CUL9: variants seen among roughly 807,000 people sequenced by gnomAD.
CUL9 encodes the protein cullin 9, also known as cullin-9.
Under a neutral mutation model 272.6 loss-of-function variants are expected in CUL9, and 79 were observed. The observed-to-expected ratio is 0.29, with a 90% CI of 0.24 to 0.35. The LOEUF (loss-of-function observed/expected upper bound fraction) is 0.35. Among genes scored for constraint, CUL9 ranks in the 10% least tolerant of loss-of-function variants. CUL9 has a pLI of 1.00. For missense variants in CUL9, 2,532 were observed against 3,255.6 expected (o/e 0.78, Z 5.41); for synonymous variants, 1,186 against 1,286.5 (o/e 0.92, Z 1.67).
intron 11 of CUL9, among the ~76,000 whole-genome samples, chr6:43,197,421 T>C (rs904871124): frequency 6.6e-6 from 1 of 152,018 alleles, no homozygotes; most frequent in Non-Finnish European, 1.5e-5. Context: ...CCAGTATTAT[T>C]GGACAGTAGA....
intron 31 of CUL9, among the ~76,000 whole-genome samples, chr6:43,219,525 T>TTGTC (rs10628934): frequency 0.62 from 93,644 of 151,760 alleles, 31,395 homozygotes; most frequent in African/African-American, 0.9. Context: ...TTTCCCAACT[T>TTGTC]TGGGTTTGTT....
intron 35 of CUL9, 135 bp from the exon 36 acceptor site, chr6:43,222,179 CCA>C (rs1309051611): frequency 3.4e-5 from 25 of 729,408 alleles, no homozygotes; most frequent in Admixed American, 2.1e-5. Context: ...ATGACCTACT[CCA>C]CACAGTCATG....
rs150568273 is a variant in CUL9 at position 43,196,842 on chromosome 6, C to G, written c.2783C>G (p.Pro928Arg). 2.5e-6 allele frequency: 4 copies of G among 1,613,954 alleles called. No individual in the cohort carries two copies. Among genetic ancestry groups the G allele is most frequent in the Non-Finnish European group, 8.5e-7 (1 of 1,180,022 alleles). Residue 928 changes from proline to arginine, a missense_variant, in exon 11 of 41, where the codon CCG (proline) becomes CGG (arginine). Pro to Arg is a moderately radical substitution (Grantham distance 103, BLOSUM62 -2). Transcript: ENST00000252050. ...CTTCTCAATCGCTACTCAGAGCCGC[C>G]GGGCAGCCCTGAGCGTGCAGGTACC... is the stretch of plus-strand genomic sequence containing the variant. ...MMLLNRYSEP[P>R]GSPERAALET...
In CUL9 at chr6:43,205,345, G is replaced by A. The variant is rs1224550434; in HGVS notation, c.4715G>A (p.Gly1572Glu). 1.2e-6 allele frequency: 2 copies of A among 1,614,214 alleles called. No homozygotes were observed. Among genetic ancestry groups the A allele is most frequent in the Non-Finnish European group, 1.7e-6 (2 of 1,180,050 alleles). Residue 1572 changes from glycine (G) to glutamate (E), a missense_variant, in exon 24 of 41, where the codon GGG becomes GAG. Gly to Glu is a moderately conservative substitution (Grantham distance 98, BLOSUM62 -2). Coordinates refer to ENST00000252050, the MANE Select transcript of CUL9 (RefSeq NM_015089.4). ...IGGAPGVEMLGQLQRHLEPIM... is the reference protein window; with the variant it reads ...IGGAPGVEMLEQLQRHLEPIM... ...GGAGCCCCTGGAGTGGAAATGCTGG[G>A]GCAGCTTCAGCGGCACCTGGAACCC...
chr6:43,220,977 C>CT lies in CUL9; in HGVS notation c.6588+66_6588+67insT. On this transcript the variant is annotated intron_variant, in intron 33 of 40. Coordinates refer to ENST00000252050, the MANE Select transcript of CUL9 (RefSeq NM_015089.4). This position sits in a 1 kb window ranked among gnomAD's most constrained non-coding sequence, Gnocchi z 4.9. ...ACACTCCTTCCCTGCTTAATATCCCCACCCCGCCACACACACAGACTGTGA... is the reference window on the plus strand; with the variant it reads ...ACACTCCTTCCCTGCTTAATATCCCCTACCCCGCCACACACACAGACTGTGA... 1.3e-6 allele frequency: 2 copies of CT among 1,496,480 alleles called. No homozygotes were observed. The highest frequency in any genetic ancestry group is 2.5e-5 in the East Asian group (1 of 40,620). 92.7% of individuals were successfully genotyped at this position (1,496,480 alleles called of 1,614,324 possible).
Position 43,188,475 on chromosome 6 carries a change from C to G in CUL9, c.1988-48C>G, listed in dbSNP as rs201119807. 97 of 1,516,158 alleles carry G rather than the reference C, an allele frequency of 6.4e-5. No homozygotes were observed. In the East Asian group the frequency reaches 2.2e-3, roughly 34 times the overall value. The allele number at this position is 1,516,158 out of a possible 1,614,324, so 93.9% of individuals were successfully genotyped here. A position where few individuals can be genotyped will look rare whatever the true frequency, so the allele number is the denominator to read the frequency against. On this transcript the variant is annotated intron_variant, in intron 7 of 40. Transcript: ENST00000252050. ...GCTTGACTTTAAAGACTTCTAACTT[C>G]AAGGTGCCACAGTTCTTTTAGCCAT... is the stretch of plus-strand genomic sequence containing the variant.
chr6:43,216,098 A>G, intron 30 of CUL9, 60 bp from the exon 31 acceptor site: 1 of 1,495,096 alleles, frequency 6.7e-7, no homozygotes, highest in Non-Finnish European at 9.1e-7. Context: ...GGTGGGGTTC[A>G]GTTAGTAGGC....
Position 43,220,850 on chromosome 6 carries a change from G to A in CUL9, c.6527G>A (p.Gly2176Asp). 1.2e-6 allele frequency: 2 copies of A among 1,613,670 alleles called. No individual in the cohort carries two copies. Residue 2176 changes from glycine to aspartate, a missense_variant, in exon 33 of 41, where the codon GGC (glycine) becomes GAC (aspartate). Around this residue, in one of 3 missense-constraint regions of CUL9, gnomAD observed 77 missense variants for 161.1 expected, o/e 0.48. Transcript: ENST00000252050. The surrounding 1 kb of genome is among the most constrained non-coding windows in gnomAD (Gnocchi z 4.9). ...CDRILCRQGL[G>D]CGTTCSKCGW... is the part of the protein sequence containing the mutation. Reference sequence around the variant, plus strand: ...CGCATCCTGTGCCGCCAGGGCCTGGGCTGTGGGACCACCTGCTCCAAGTGT... The same window carrying A: ...CGCATCCTGTGCCGCCAGGGCCTGGACTGTGGGACCACCTGCTCCAAGTGT...
intron 10 of CUL9, 80 bp from the exon 11 acceptor site, chr6:43,196,565 C>T (rs1008228181): frequency 1.5e-6 from 2 of 1,295,632 alleles, no homozygotes; most frequent in African/African-American, 1.5e-5. Flanking sequence ...CCCTAGCTGC[C>T]CGGCCTTCTA....
In CUL9 at chr6:43,224,488, G is replaced by T; in HGVS notation, c.*43G>T. ...ACACCTAGAGCAGCCCCAGAGTCAC[G>T]GGGCTGAGGGGGCGGGAGCTGCCCC... is the stretch of plus-strand genomic sequence containing the variant. On this transcript the variant is annotated 3_prime_UTR_variant, in exon 41 of 41. Coordinates refer to ENST00000252050, the MANE Select transcript of CUL9 (RefSeq NM_015089.4). This position sits in a 1 kb window ranked among gnomAD's most constrained non-coding sequence, Gnocchi z 4.2. 6.4e-7 allele frequency: 1 copy of T among 1,566,130 alleles called. No homozygotes were observed.
At position 43,196,066 on chromosome 6, in the gene CUL9, C is replaced by T. The variant is rs753482690; in HGVS notation, c.2389-3C>T. On this transcript the variant is annotated splice_polypyrimidine_tract_variant and splice_region_variant and intron_variant, in intron 9 of 40. Coordinates refer to ENST00000252050, the MANE Select transcript of CUL9 (RefSeq NM_015089.4). ...TCACTCTGCTTTCACATCCCCCTCA[C>T]AGGCACTGAAGATGCTGGCCGTCGC... is the stretch of plus-strand genomic sequence containing the variant. The T allele has an allele frequency of 6.2e-7, 1 of 1,609,778 alleles. No individual in the cohort carries two copies. The highest frequency in any genetic ancestry group is 2.2e-5 in the East Asian group (1 of 44,830).
rs1774959788 is a variant in CUL9, at chr6:43,205,306, G to A, written c.4676G>A (p.Gly1559Asp). 1.2e-6 allele frequency: 2 copies of A among 1,614,086 alleles called. No homozygotes were observed. The highest frequency in any genetic ancestry group is 3.3e-5 in the Admixed American group (2 of 60,008). Residue 1559 changes from glycine to aspartate, a missense_variant, in exon 24 of 41, where the codon GGT becomes GAT. Physicochemically the swap from Gly to Asp is moderately conservative, Grantham distance 94. Transcript: ENST00000252050. ...FARYIDQQIQ[G>D]GLIGGAPGVE... ...AGGTACATTGACCAACAGATCCAGG[G>A]TGGCCTGATTGGTGGAGCCCCTGGA...
intron 16 of CUL9, among the ~76,000 whole-genome samples, chr6:43,202,166 C>G (rs986895684): frequency 6.6e-6 from 1 of 152,164 alleles, no homozygotes; most frequent in African/African-American, 2.4e-5. Context: ...TAGTTGAGTA[C>G]TGAGTGCACG....
chr6:43,203,465 C>A lies in CUL9; in HGVS notation c.3898C>A (p.Pro1300Thr). 1 of 1,614,160 alleles carries A rather than the reference C, an allele frequency of 6.2e-7. No homozygotes were observed. The highest frequency in any genetic ancestry group is 1.1e-5 in the South Asian group (1 of 91,088). The change falls in exon 19 of 41, where the codon CCC becomes ACC. Residue 1300 changes from proline to threonine, a missense_variant. Physicochemically the swap from Pro to Thr is conservative, Grantham distance 38. This residue lies in a region of CUL9 where 2,218 missense variants were observed against 2,788.6 expected (regional missense o/e 0.80). Transcript: ENST00000252050. This position sits in a 1 kb window ranked among gnomAD's most constrained non-coding sequence, Gnocchi z 5.0. ...VRGVEVLGPKPTFWPLFREQL... is the reference protein window; with the variant it reads ...VRGVEVLGPKTTFWPLFREQL... ...GGGTGTGGAGGTCCTGGGCCCTAAG[C>A]CCACATTCTGGCCACTGTTCCGGGA... is the stretch of plus-strand genomic sequence containing the variant.
At position 43,193,278 on chromosome 6, in the gene CUL9, G is replaced by T. The variant is rs374579393; in HGVS notation, c.2388+70G>T. 9.1e-6 allele frequency: 13 copies of T among 1,434,218 alleles called. No homozygotes were observed. The East Asian group carries it at 1.6e-4, about 18-fold the overall frequency. 88.8% of individuals were successfully genotyped at this position (1,434,218 alleles called of 1,614,324 possible). On this transcript the variant is annotated intron_variant, in intron 9 of 40. Coordinates refer to ENST00000252050, the MANE Select transcript of CUL9 (RefSeq NM_015089.4). ...GCAGACTGGGGACTACTGATCTTGA[G>T]GGGGTACTTTGGTGCTTCAGATCAG...
At position 43,215,266 on chromosome 6, in the gene CUL9, C is replaced by A; in HGVS notation, c.5876C>A (p.Pro1959His). Residue 1959 changes from proline (P) to histidine (H), a missense_variant, in exon 30 of 41, where the codon CCC (proline) becomes CAC (histidine). By Grantham distance (77) the Pro-to-His change is moderately conservative. This residue lies in a region of CUL9 where 2,218 missense variants were observed against 2,788.6 expected (regional missense o/e 0.80). Coordinates refer to ENST00000252050, the MANE Select transcript of CUL9 (RefSeq NM_015089.4). ...TATGCCGCTCCAGAGCCCATGGGGC[C>A]CTGCCGGGGTCAGGCAGATGTCCCT... ...LMYAAPEPMG[P>H]CRGQADVPFC... 11 of 1,614,112 alleles carry A rather than the reference C, an allele frequency of 6.8e-6. No individual in the cohort carries two copies. Among genetic ancestry groups the A allele is most frequent in the Non-Finnish European group, 9.3e-6 (11 of 1,180,034 alleles).
chr6:43,223,303 T>G lies in CUL9; in HGVS notation c.7190T>G (p.Leu2397Arg). ...CGGTGCAGAGACCTGGCCTCCTCCC[T>G]GCGCCTCCTGCGGGCCGACTGCCTC... ...LLRCRDLASS[L>R]RLLRADCLST... The change falls in exon 39 of 41, where the codon CTG (leucine) becomes CGG (arginine). Residue 2397 changes from leucine to arginine, a missense_variant. Transcript: ENST00000252050. The surrounding 1 kb of genome is among the most constrained non-coding windows in gnomAD (Gnocchi z 4.1). 1 of 1,599,932 alleles carries G rather than the reference T, an allele frequency of 6.3e-7. No individual in the cohort carries two copies. Among genetic ancestry groups the G allele is most frequent in the South Asian group, 1.1e-5 (1 of 88,378 alleles).
Position 43,186,988 on chromosome 6 carries a change from A to C in CUL9, c.1280A>C (p.Tyr427Ser), listed in dbSNP as rs778960851. 9 of 1,614,046 alleles carry C rather than the reference A, an allele frequency of 5.6e-6. No individual in the cohort carries two copies. Among genetic ancestry groups the C allele is most frequent in the Non-Finnish European group, 7.6e-6 (9 of 1,179,958 alleles). ...TTCTGGCAGTCGACAGGCCGCACTT[A>C]CTGGGTGCACTGGCACATGCTGGAG... ...QVFWQSTGRT[Y>S]WVHWHMLEIL... The change falls in exon 5 of 41, where the codon TAC (tyrosine) becomes TCC (serine). Residue 427 changes from tyrosine to serine, a missense_variant. Physicochemically the swap from Tyr to Ser is moderately radical, Grantham distance 144 (BLOSUM62 -2). Around this residue, in one of 3 missense-constraint regions of CUL9, gnomAD observed 2,218 missense variants for 2,788.6 expected, o/e 0.80. Coordinates refer to ENST00000252050, the MANE Select transcript of CUL9 (RefSeq NM_015089.4).
chr6:43,210,083 A>G (rs900982228), intron 26 of CUL9, among the ~76,000 whole-genome samples: 2 of 152,004 alleles, frequency 1.3e-5, no homozygotes, highest in African/African-American at 2.4e-5. Context: ...GCTCAAGCCA[A>G]TTCTCCTGCC....
Sources: allele counts gnomAD v4.1 joint callset (sites outside exome capture counted in the v4.1 genomes callset), GRCh38; gene constraint gnomAD v4.1.1; regional missense constraint gnomAD v4.1.1; non-coding constraint Gnocchi (gnomAD v3.1); transcripts MANE v1.5; gene names NCBI Gene and HGNC (gene_info 2026-07-23, HGNC 2026-07-21).